The following MCC variants were observed in gnomAD, a reference collection of about 807,000 sequenced individuals.
The protein encoded by MCC is MCC regulator of Wnt signaling pathway.
Under a neutral mutation model 116.2 loss-of-function variants are expected in MCC, and 90 were observed. The ratio of observed to expected loss-of-function variants is 0.77; its 90% CI spans 0.65 to 0.92. MCC has a LOEUF of 0.92. MCC is among the 40% of genes least tolerant of loss of function. The probability of loss-of-function intolerance (pLI) is 0.00; values close to 1 mark genes in which losing one functional copy is unlikely to be tolerated. For synonymous variants in MCC, 578 were observed against 510.5 expected, an observed-to-expected ratio of 1.13 and a Z score of -1.78; for missense variants, 1,516 against 1,312.2, an observed-to-expected ratio of 1.16 and a Z score of -2.40.
intron 1 of MCC, among the ~76,000 whole-genome samples, chr5:113,432,383 T>G (rs1770685959): frequency 6.7e-6 from 1 of 150,034 alleles, no homozygotes; most frequent in African/African-American, 2.5e-5. Flanking sequence ...GGCTCGGAGC[T>G]GGAGTGTACC....
chr5:113,171,349 G>A (rs17135375), intron 3 of MCC, among the ~76,000 whole-genome samples: 15,453 of 150,458 alleles, frequency 0.1, 881 homozygotes, highest in African/African-American at 0.14. Context: ...AGCAGAAGGC[G>A]GAAACCTCTT....
intron 3 of MCC, among the ~76,000 whole-genome samples, chr5:113,159,995 G>A (rs564312336): frequency 6.6e-6 from 1 of 152,216 alleles, no homozygotes; most frequent in African/African-American, 2.4e-5. Flanking sequence ...TTCATTGAGA[G>A]GTCAGTGGCC....
At chr5:113,150,237 G>T (rs1395689749) in intron 4 of MCC, among the ~76,000 whole-genome samples, 2 of 152,142 alleles carry the variant, frequency 1.3e-5, no homozygotes, top group Admixed American at 6.5e-5. Context: ...AACAACAGAA[G>T]GCTAGGTTCT....
At chr5:113,269,403 A>G (rs1422817862) in intron 3 of MCC, among the ~76,000 whole-genome samples, 1 of 152,204 alleles carries the variant, frequency 6.6e-6, no homozygotes, top group Non-Finnish European at 1.5e-5. Context: ...GACACATCAA[A>G]AAAACACTTC....
Position 113,078,408 on chromosome 5 carries a change from A to G in MCC, c.1784+4452T>C, listed in dbSNP as rs569307598. Among the ~76,000 whole-genome samples the G allele has an allele frequency of 9.2e-5, 14 of 152,366 alleles. No individual in the cohort carries two copies. The South Asian group carries it at 1.2e-3, about 14-fold the overall frequency. ...GATGAACATTGATGCAAAGACCTCA[A>G]TAAAATACTGGCAAACCAAATCCAG... On this transcript the variant is annotated intron_variant, in intron 11 of 18. Transcript: ENST00000408903.
chr5:113,033,555 G>T (rs1256439753), intron 17 of MCC, among the ~76,000 whole-genome samples: 1 of 152,114 alleles, frequency 6.6e-6, no homozygotes, highest in African/African-American at 2.4e-5. Flanking sequence ...GGGTACATAA[G>T]TTAGGCCAAA....
chr5:113,413,187 G>C (rs1400198755), intron 1 of MCC, among the ~76,000 whole-genome samples: 3 of 152,056 alleles, frequency 2.0e-5, no homozygotes, highest in Admixed American at 2.0e-4. Flanking sequence ...ATTTTATTGA[G>C]GATTTTTGCA....
intron 1 of MCC, among the ~76,000 whole-genome samples, chr5:113,402,728 G>A (rs1450755456): frequency 2.6e-5 from 4 of 152,130 alleles, no homozygotes; most frequent in Non-Finnish European, 4.4e-5. Context: ...CTTGTAGTCT[G>A]ATTACAGAAA....
intron 3 of MCC, among the ~76,000 whole-genome samples, chr5:113,214,240 A>G (rs1010765224): frequency 6.6e-6 from 1 of 152,180 alleles, no homozygotes; most frequent in Non-Finnish European, 1.5e-5. Flanking sequence ...CAAAGCCACA[A>G]AGAACGACGG....
intron 3 of MCC, among the ~76,000 whole-genome samples, chr5:113,195,080 G>A (rs1377883292): frequency 1.3e-5 from 2 of 152,180 alleles, no homozygotes; most frequent in Non-Finnish European, 2.9e-5. Context: ...CCAGTGCACA[G>A]TGTGGACTAA....
At chr5:113,304,831 C>CA (rs894811334) in intron 3 of MCC, among the ~76,000 whole-genome samples, 7 of 151,094 alleles carry the variant, frequency 4.6e-5, no homozygotes, top group Non-Finnish European at 7.4e-5. Context: ...GAGAGGAAAA[C>CA]AAAAAAAGTA....
chr5:113,204,928 A>G (rs978731042), intron 3 of MCC, among the ~76,000 whole-genome samples: 1 of 152,220 alleles, frequency 6.6e-6, no homozygotes, highest in Non-Finnish European at 1.5e-5. Flanking sequence ...ACACCTAATG[A>G]AAAGTGGAAC....
At chr5:113,166,849 A>G (rs893147425) in intron 3 of MCC, among the ~76,000 whole-genome samples, 2 of 152,154 alleles carry the variant, frequency 1.3e-5, no homozygotes, top group Admixed American at 6.5e-5. Flanking sequence ...TGCCAAGCAT[A>G]TGATGAACTC....
chr5:113,269,269 T>G, intron 3 of MCC: 1 of 934,470 alleles, frequency 1.1e-6, no homozygotes, highest in Non-Finnish European at 1.3e-6. Context: ...CAACAGACTC[T>G]ACTGCAGGGA....
chr5:113,294,344 C>T (rs764787842), intron 3 of MCC: 1 of 1,613,650 alleles, frequency 6.2e-7, no homozygotes, highest in African/African-American at 1.3e-5. Flanking sequence ...TCAGCTCGGC[C>T]GAGGAGTCGT....
In MCC at chr5:113,023,973, A is replaced by ATAATC. The variant is rs1355132222; in HGVS notation, c.*3324_*3328dup. The ATAATC allele has an allele frequency of 2.6e-5, 4 of 152,222 alleles. No individual in the cohort carries two copies. The highest frequency in any genetic ancestry group is 9.6e-5 in the African/African-American group (4 of 41,464). The allele number at this position is 152,222 out of a possible 1,614,324, so 9.4% of individuals were successfully genotyped here. On this transcript the variant is annotated 3_prime_UTR_variant, in exon 19 of 19. Transcript: ENST00000408903. ...ACGGTGCACTTTTTTCTCATTTAAA[A>ATAATC]TAATCTAATCTGTATCCAGTTAGGA...
intron 3 of MCC, among the ~76,000 whole-genome samples, chr5:113,271,000 G>C (rs1373638906): frequency 1.3e-5 from 2 of 152,012 alleles, no homozygotes; most frequent in African/African-American, 2.4e-5. Flanking sequence ...AAAAATATTT[G>C]CTTCATTTTT....
At chr5:113,430,827 C>T (rs13355687) in intron 1 of MCC, among the ~76,000 whole-genome samples, 17,506 of 152,014 alleles carry the variant, frequency 0.12, 1,742 homozygotes, top group African/African-American at 0.27. Flanking sequence ...CATGAGGGCC[C>T]GTACTCTGAA....
At chr5:113,452,789 T>C (rs1005020435) in intron 1 of MCC, among the ~76,000 whole-genome samples, 1 of 152,226 alleles carries the variant, frequency 6.6e-6, no homozygotes, top group African/African-American at 2.4e-5. Context: ...TATGATTTCA[T>C]TGCAGGTGCA....
Sources: allele counts gnomAD v4.1 joint callset (sites outside exome capture counted in the v4.1 genomes callset), GRCh38; gene constraint gnomAD v4.1.1; transcripts MANE v1.5; gene names NCBI Gene and HGNC (gene_info 2026-07-23, HGNC 2026-07-21).